RAB2A: variants seen among roughly 807,000 people sequenced by gnomAD.
RAB2A encodes RAB2A, member RAS oncogene family, also known as ras-related protein Rab-2A.
A neutral mutation model predicts 32.5 loss-of-function variants in RAB2A; 7 were observed. The ratio of observed to expected loss-of-function variants is 0.22; its 90% CI spans 0.12 to 0.40. The LOEUF (loss-of-function observed/expected upper bound fraction) is 0.40. Among genes scored for constraint, RAB2A ranks in the 10% least tolerant of loss-of-function variants. The probability of loss-of-function intolerance (pLI) is 1.00; values close to 1 mark genes in which losing one functional copy is unlikely to be tolerated. For synonymous variants in RAB2A, 79 were observed against 85.2 expected (o/e 0.93, Z 0.40); for missense variants, 108 against 260.7 (o/e 0.41, Z 4.03).
intron 1 of RAB2A, among the ~76,000 whole-genome samples, chr8:60,546,968 A>G (rs1358020847): frequency 7.0e-6 from 1 of 142,094 alleles, no homozygotes; most frequent in Non-Finnish European, 1.5e-5. Flanking sequence ...GGGTCACAGG[A>G]CAATAGTGGA....
chr8:60,562,670 G>C (rs966409283), intron 2 of RAB2A, among the ~76,000 whole-genome samples: 2 of 152,118 alleles, frequency 1.3e-5, no homozygotes, highest in Non-Finnish European at 2.9e-5. Context: ...GAAGCAAACA[G>C]AATATTTAGG....
intron 5 of RAB2A, among the ~76,000 whole-genome samples, chr8:60,590,254 C>T (rs922843883): frequency 4.0e-5 from 6 of 151,850 alleles, no homozygotes; most frequent in Non-Finnish European, 8.8e-5. Flanking sequence ...GCCACCGCAC[C>T]CGGCCTATTG....
chr8:60,524,346 CCCTTT>C (rs1456281945), intron 1 of RAB2A, among the ~76,000 whole-genome samples: 1 of 151,886 alleles, frequency 6.6e-6, no homozygotes, highest in Non-Finnish European at 1.5e-5. Flanking sequence ...AGCTGTTTTT[CCCTTT>C]CCTTCTGGCC....
chr8:60,517,133 A>G lies in RAB2A; in HGVS notation c.-75A>G. 2.1e-6 allele frequency: 3 copies of G among 1,414,964 alleles called. No individual in the cohort carries two copies. Among genetic ancestry groups the G allele is most frequent in the Non-Finnish European group, 2.8e-6 (3 of 1,069,828 alleles). The allele number at this position is 1,414,964 out of a possible 1,614,324, so 87.7% of individuals were successfully genotyped here. The stretch of plus-strand genomic sequence containing the variant: ...GCCTGGCGTTTCGAGGCTGAGCGGC[A>G]CCGGGGTTGGGGCGCGGAGGAGGAG... On this transcript the variant is annotated 5_prime_UTR_variant, in exon 1 of 8. Coordinates refer to ENST00000262646, the MANE Select transcript of RAB2A (RefSeq NM_002865.3).
At chr8:60,594,675 C>T (rs1226455226) in intron 6 of RAB2A, among the ~76,000 whole-genome samples, 1 of 152,088 alleles carries the variant, frequency 6.6e-6, no homozygotes, top group Non-Finnish European at 1.5e-5. Context: ...ATGTTCCCTG[C>T]CCTGTGTCCA....
At chr8:60,547,844 C>T (rs1361763475) in intron 1 of RAB2A, among the ~76,000 whole-genome samples, 4 of 122,228 alleles carry the variant, frequency 3.3e-5, no homozygotes, top group Non-Finnish European at 5.1e-5. Context: ...ACCCCCCCAC[C>T]TCCCTCCTGG....
chr8:60,546,891 C>CTTTTTTTTTTTTTTTTTTTTTTTTGTTT (rs6150606), intron 1 of RAB2A, among the ~76,000 whole-genome samples: 1 of 98,948 alleles, frequency 1.0e-5, no homozygotes, highest in Non-Finnish European at 2.0e-5. Context: ...TTTTTTGGGT[C>CTTTTTTTTTTTTTTTTTTTTTTTTGTTT]TTTTTTTTTT....
At chr8:60,603,867 CAG>C (rs1237307011) in intron 6 of RAB2A, among the ~76,000 whole-genome samples, 7 of 151,582 alleles carry the variant, frequency 4.6e-5, no homozygotes, top group Non-Finnish European at 1.0e-4. Flanking sequence ...TTTAAAAAGA[CAG>C]AAAGAGAGGG....
intron 1 of RAB2A, among the ~76,000 whole-genome samples, chr8:60,551,006 C>T (rs577797829): frequency 1.3e-5 from 2 of 152,316 alleles, no homozygotes; most frequent in African/African-American, 2.4e-5. Flanking sequence ...ATACTCTTCT[C>T]TCAGTGATCC....
intron 1 of RAB2A, 24 bp from the exon 2 acceptor site, chr8:60,558,828 T>G: frequency 6.3e-7 from 1 of 1,584,868 alleles, no homozygotes; most frequent in South Asian, 1.1e-5. Flanking sequence ...TTTTGTCTCT[T>G]ATTTATTTTT....
In RAB2A at chr8:60,575,399, C is replaced by T. The variant is rs932645919; in HGVS notation, c.186+3286C>T. Among the ~76,000 whole-genome samples, 3 of 152,024 alleles carry T rather than the reference C, an allele frequency of 2.0e-5. No homozygotes were observed. In the South Asian group the frequency reaches 6.2e-4, roughly 32 times the overall value. The stretch of plus-strand genomic sequence containing the variant: ...ACTTTTTAATAAATGTAACCTAATA[C>T]ACATTAAGATTGGTCTCACACTTAG... On this transcript the variant is annotated intron_variant, in intron 3 of 7. Coordinates refer to ENST00000262646, the MANE Select transcript of RAB2A (RefSeq NM_002865.3).
At chr8:60,617,301 A>C (rs570419877) in intron 6 of RAB2A, among the ~76,000 whole-genome samples, 3 of 152,302 alleles carry the variant, frequency 2.0e-5, no homozygotes, top group African/African-American at 7.2e-5. Context: ...TTTAATGGCA[A>C]AGAAGTTGAG....
intron 1 of RAB2A, among the ~76,000 whole-genome samples, chr8:60,549,257 C>A (rs1314043594): frequency 6.6e-6 from 1 of 152,226 alleles, no homozygotes; most frequent in Non-Finnish European, 1.5e-5. Context: ...GCAGAGGCTG[C>A]AATCTTGGCA....
intron 2 of RAB2A, among the ~76,000 whole-genome samples, chr8:60,566,470 T>G (rs1201307696): frequency 6.6e-6 from 1 of 152,220 alleles, no homozygotes; most frequent in Non-Finnish European, 1.5e-5. Context: ...GTTTTTTTGT[T>G]TTTTTGTTTT....
At chr8:60,609,982 A>C (rs76853524) in intron 6 of RAB2A, among the ~76,000 whole-genome samples, 3 of 148,464 alleles carry the variant, frequency 2.0e-5, no homozygotes, top group Non-Finnish European at 4.4e-5. Context: ...AAAAAAAAAA[A>C]AATCCAGACA....
intron 2 of RAB2A, among the ~76,000 whole-genome samples, chr8:60,568,517 T>G: frequency 6.6e-6 from 1 of 152,098 alleles, no homozygotes; most frequent in Non-Finnish European, 1.5e-5. Context: ...AAAAAAAATC[T>G]CATGAGATAG....
At chr8:60,611,157 A>G (rs1237710294) in intron 6 of RAB2A, among the ~76,000 whole-genome samples, 1 of 152,128 alleles carries the variant, frequency 6.6e-6, no homozygotes, top group Non-Finnish European at 1.5e-5. Context: ...TTCTTGGGTC[A>G]TTGCTCTGGA....
chr8:60,606,698 C>A (rs1804237358), intron 6 of RAB2A, among the ~76,000 whole-genome samples: 1 of 152,186 alleles, frequency 6.6e-6, no homozygotes, highest in African/African-American at 2.4e-5. Context: ...ACAAGTAATA[C>A]TTGGAAAATC....
At chr8:60,536,280 ATTAT>A (rs1353603223) in intron 1 of RAB2A, among the ~76,000 whole-genome samples, 2 of 151,410 alleles carry the variant, frequency 1.3e-5, no homozygotes, top group Non-Finnish European at 2.9e-5. Context: ...CTGTTAATAC[ATTAT>A]TTCTTTGGCT....
Sources: gnomAD v4.1 joint callset for allele counts (sites outside exome capture counted in the v4.1 genomes callset) on GRCh38, gnomAD v4.1.1 for gene constraint, MANE v1.5 for transcripts, NCBI Gene and HGNC (gene_info 2026-07-23, HGNC 2026-07-21) for gene names.